Variants in TMEM117 observed in about 807,000 individuals in gnomAD.
TMEM117 encodes the protein transmembrane protein 117.
A neutral mutation model predicts 52.4 loss-of-function variants in TMEM117; 27 were observed. The observed-to-expected ratio is 0.51, with a 90% CI of 0.38 to 0.71. The LOEUF is 0.71. Among genes scored for constraint, TMEM117 ranks in the 30% least tolerant of loss-of-function variants. TMEM117 has a pLI of 0.00. For missense variants in TMEM117, 556 were observed against 630.5 expected (o/e 0.88, Z 1.26); for synonymous variants, 215 against 206.3 (o/e 1.04, Z -0.36).
intron 4 of TMEM117, among the ~76,000 whole-genome samples, chr12:44,190,674 G>A (rs954294939): frequency 6.6e-6 from 1 of 151,924 alleles, no homozygotes; most frequent in South Asian, 2.1e-4. Flanking sequence ...AAAAAATAAG[G>A]CTTCATGAAA....
intron 3 of TMEM117, among the ~76,000 whole-genome samples, chr12:43,988,424 T>G (rs892327719): frequency 3.3e-5 from 5 of 152,116 alleles, no homozygotes; most frequent in Non-Finnish European, 5.9e-5. Context: ...GACCAAAAAT[T>G]TGGCAGTGTT....
At chr12:44,118,553 G>A (rs1948183370) in intron 3 of TMEM117, among the ~76,000 whole-genome samples, 2 of 152,174 alleles carry the variant, frequency 1.3e-5, no homozygotes, top group African/African-American at 4.8e-5. Flanking sequence ...AGAATGGCTG[G>A]ATATTACTAT....
chr12:44,353,850 T>C (rs1290351102), intron 6 of TMEM117, among the ~76,000 whole-genome samples: 1 of 152,222 alleles, frequency 6.6e-6, no homozygotes, highest in Non-Finnish European at 1.5e-5. Context: ...ATTGGTAGCT[T>C]GATGGGGATG....
intron 5 of TMEM117, among the ~76,000 whole-genome samples, chr12:44,284,735 A>G (rs116270010): frequency 0.013 from 2,001 of 152,372 alleles, 43 homozygotes; most frequent in African/African-American, 0.046. Flanking sequence ...ATTAAGCAGC[A>G]GCAATGTAGC....
intron 3 of TMEM117, among the ~76,000 whole-genome samples, chr12:44,060,528 A>G (rs996572329): frequency 6.6e-6 from 1 of 152,198 alleles, no homozygotes; most frequent in Non-Finnish European, 1.5e-5. Context: ...GAGGGCTTCA[A>G]CATGAGAGCT....
intron 2 of TMEM117, among the ~76,000 whole-genome samples, chr12:43,877,029 G>A (rs1397493594): frequency 1.3e-5 from 2 of 152,098 alleles, no homozygotes; most frequent in African/African-American, 4.8e-5. Flanking sequence ...GTTCCATTGA[G>A]TGTGTCTAAC....
chr12:44,056,740 G>A (rs1947060693), intron 3 of TMEM117, among the ~76,000 whole-genome samples: 1 of 152,126 alleles, frequency 6.6e-6, no homozygotes, highest in Admixed American at 6.6e-5. Flanking sequence ...CACTGTGATA[G>A]TGTGTGTATC....
At chr12:43,881,994 C>T (rs965850246) in intron 2 of TMEM117, among the ~76,000 whole-genome samples, 1 of 151,542 alleles carries the variant, frequency 6.6e-6, no homozygotes, top group African/African-American at 2.4e-5. Flanking sequence ...ATGGCGTGAA[C>T]CCAGGAGGCG....
intron 5 of TMEM117, among the ~76,000 whole-genome samples, chr12:44,294,835 C>T (rs2138629292): frequency 6.6e-6 from 1 of 152,304 alleles, no homozygotes; most frequent in African/African-American, 2.4e-5. Context: ...AGTTAGATTT[C>T]ATCACTCTGC....
In TMEM117 at chr12:44,315,026, T is replaced by C. The variant is rs554203970; in HGVS notation, c.768+15287T>C. Among the ~76,000 whole-genome samples the C allele has an allele frequency of 2.0e-5, 3 of 152,358 alleles. No individual in the cohort carries two copies. In the South Asian group the frequency reaches 6.2e-4, roughly 32 times the overall value. ...GAATTTATCCATTTCTTCTAGAGTT[T>C]CTAGTTTGTGTGCATAGAGGTGTTC... On this transcript the variant is annotated intron_variant, in intron 6 of 7. Transcript: ENST00000266534.
chr12:44,210,509 TA>T (rs2138395854), intron 4 of TMEM117, among the ~76,000 whole-genome samples: 1 of 152,246 alleles, frequency 6.6e-6, no homozygotes, highest in East Asian at 1.9e-4. Flanking sequence ...GTCTAGTATA[TA>T]AAAATCCCTT....
chr12:43,925,928 C>T (rs1944771644), intron 2 of TMEM117, among the ~76,000 whole-genome samples: 1 of 152,118 alleles, frequency 6.6e-6, no homozygotes, highest in African/African-American at 2.4e-5. Context: ...TTTAGCAAGC[C>T]AGTCTGGGTC....
chr12:44,129,403 C>T (rs770527620), intron 3 of TMEM117, among the ~76,000 whole-genome samples: 1 of 152,170 alleles, frequency 6.6e-6, no homozygotes, highest in Non-Finnish European at 1.5e-5. Flanking sequence ...CTCTTTTCCT[C>T]CCTGGTGATC....
chr12:44,078,329 G>A (rs1386365754), intron 3 of TMEM117, among the ~76,000 whole-genome samples: 1 of 152,170 alleles, frequency 6.6e-6, no homozygotes, highest in Non-Finnish European at 1.5e-5. Context: ...ACCATATCAA[G>A]TAATTTGAAC....
At position 44,039,595 on chromosome 12, in the gene TMEM117, C is replaced by G. The variant is rs145165206; in HGVS notation, c.410+95253C>G. 5.4e-3 allele frequency among the ~76,000 whole-genome samples: 814 copies of G among 151,932 alleles called. 10 individuals are homozygous for G. Among genetic ancestry groups the G allele is most frequent in the African/African-American group, 0.018 (749 of 41,502 alleles). On this transcript the variant is annotated intron_variant, in intron 3 of 7. Coordinates refer to ENST00000266534, the MANE Select transcript of TMEM117 (RefSeq NM_032256.3). ...ATAAAGTTACAGATTTTATGAAATG[C>G]AAAAGTATAACACATTCACAGATTA...
downstream of TMEM117, among the ~76,000 whole-genome samples, chr12:44,390,139 T>TTAGTAACAGCAGGG (rs1952152358): frequency 3.9e-5 from 6 of 152,112 alleles, no homozygotes; most frequent in African/African-American, 1.4e-4. Context: ...ACCATGCCCC[T>TTAGTAACAGCAGGG]GCTGTTACTT....
At chr12:43,849,800 C>T (rs988314584) in intron 2 of TMEM117, among the ~76,000 whole-genome samples, 8 of 151,982 alleles carry the variant, frequency 5.3e-5, no homozygotes, top group African/African-American at 1.7e-4. Context: ...ATTTAATTTC[C>T]TGATGAACTC....
intron 4 of TMEM117, among the ~76,000 whole-genome samples, chr12:44,189,067 A>G (rs1177145396): frequency 2.6e-5 from 4 of 152,102 alleles, no homozygotes; most frequent in Non-Finnish European, 5.9e-5. Context: ...TATGCTAGGA[A>G]TATTTGAATT....
the TMEM117 span, among the ~76,000 whole-genome samples, chr12:43,807,204 A>G: frequency 6.6e-6 from 1 of 152,084 alleles, no homozygotes; most frequent in African/African-American, 2.4e-5. Flanking sequence ...TTGAAGTGAC[A>G]CATACACAAA....
Sources: allele counts gnomAD v4.1 joint callset (sites outside exome capture counted in the v4.1 genomes callset), GRCh38; gene constraint gnomAD v4.1.1; transcripts MANE v1.5; gene names NCBI Gene and HGNC (gene_info 2026-07-23, HGNC 2026-07-21).